Variants in FCRL3 observed in about 807,000 individuals in gnomAD.
The protein encoded by FCRL3 is Fc receptor-like protein 3.
A neutral mutation model predicts 75.0 loss-of-function variants in FCRL3; 89 were observed. That is an observed-to-expected ratio of 1.19 (90% CI 1.00 to 1.42). FCRL3 has a LOEUF of 1.42. Ranked by LOEUF, FCRL3 falls within the 40% of genes most tolerant of loss-of-function variation. FCRL3 has a pLI of 0.00. For missense variants in FCRL3, 946 were observed against 880.0 expected, an observed-to-expected ratio of 1.07 and a Z score of -0.95; for synonymous variants, 376 against 348.5, an observed-to-expected ratio of 1.08 and a Z score of -0.88.
chr1:157,677,118 G>T lies in FCRL3; in HGVS notation c.*1592C>A. ...CAAAGGCCAGGATAAGGGTAACAGA[G>T]GCCAGTGGGAGCAGTGTGGATTGAT... On this transcript the variant is annotated 3_prime_UTR_variant, in exon 15 of 15. Coordinates refer to ENST00000368184, the MANE Select transcript of FCRL3 (RefSeq NM_052939.4). 1 of 1,071,686 alleles carries T rather than the reference G, an allele frequency of 9.3e-7. No homozygotes were observed. Among genetic ancestry groups the T allele is most frequent in the Non-Finnish European group, 1.1e-6 (1 of 878,880 alleles). 66.4% of individuals were successfully genotyped at this position (1,071,686 alleles called of 1,614,324 possible). A position where few individuals can be genotyped will look rare whatever the true frequency, so the allele number is the denominator to read the frequency against.
chr1:157,676,901 G>T lies in FCRL3; in HGVS notation c.*1809C>A. ...GAAAGGAGGAGAGCCTCCATATACA[G>T]CCTGGTGGTTGGTACCCAAAACCGG... On this transcript the variant is annotated 3_prime_UTR_variant, in exon 15 of 15. Transcript: ENST00000368184. The T allele has an allele frequency of 6.9e-7, 1 of 1,459,020 alleles. No homozygotes were observed. The highest frequency in any genetic ancestry group is 9.0e-7 in the Non-Finnish European group (1 of 1,108,958). 90.4% of individuals were successfully genotyped at this position (1,459,020 alleles called of 1,614,324 possible). A position where few individuals can be genotyped will look rare whatever the true frequency, so the allele number is the denominator to read the frequency against.
Position 157,676,544 on chromosome 1 carries a change from G to T in FCRL3, c.*2166C>A. 3 of 605,282 alleles carry T rather than the reference G, an allele frequency of 5.0e-6. No homozygotes were observed. The highest frequency in any genetic ancestry group is 2.9e-5 in the East Asian group (1 of 33,976). The allele number at this position is 605,282 out of a possible 1,614,324, so 37.5% of individuals were successfully genotyped here. On this transcript the variant is annotated 3_prime_UTR_variant, in exon 15 of 15. Coordinates refer to ENST00000368184, the MANE Select transcript of FCRL3 (RefSeq NM_052939.4). ...TAAAATTACTTTTTTTAGATTTCTGGGCTATGGGTTTTTAGTTGTGAATTC... is the reference window on the plus strand; with the variant it reads ...TAAAATTACTTTTTTTAGATTTCTGTGCTATGGGTTTTTAGTTGTGAATTC...
At position 157,690,027 on chromosome 1, in the gene FCRL3, A is replaced by G; in HGVS notation, c.1691-110T>C. The G allele has an allele frequency of 3.3e-6, 5 of 1,495,480 alleles. No individual in the cohort carries two copies. The South Asian group carries it at 5.1e-5, about 15-fold the overall frequency. The allele number at this position is 1,495,480 out of a possible 1,614,324, so 92.6% of individuals were successfully genotyped here. Reference sequence around the variant, plus strand: ...AGTTTCTGATTCCTCCTGTAGCATCATTTGTAATTTTCAAAACTATGGCAT... The same window carrying G: ...AGTTTCTGATTCCTCCTGTAGCATCGTTTGTAATTTTCAAAACTATGGCAT... On this transcript the variant is annotated intron_variant, in intron 9 of 14. Transcript: ENST00000368184.
intron 11 of FCRL3, among the ~76,000 whole-genome samples, chr1:157,681,321 C>T (rs1291373020): frequency 6.6e-6 from 1 of 151,342 alleles, no homozygotes; most frequent in East Asian, 1.9e-4. Flanking sequence ...ATATATGTGC[C>T]ATGCTGGTGT....
In FCRL3 at chr1:157,678,821, T is replaced by C. The variant is rs781669557; in HGVS notation, c.2094A>G (p.Thr698=). Residue 698 remains threonine, a synonymous_variant, in exon 15 of 15, where the codon ACA becomes ACG. Transcript: ENST00000368184. ...LTVLYSELKK[T]HPDDSAGEAS... is the part of the protein sequence containing the mutation. ...CCTCCCCTGCAGAGTCGTCTGGGTG[T>C]GTCTTCTTCAGTTCTGAATAGAGGA... The C allele has an allele frequency of 6.2e-7, 1 of 1,614,070 alleles. No homozygotes were observed. Among genetic ancestry groups the C allele is most frequent in the Non-Finnish European group, 8.5e-7 (1 of 1,179,994 alleles).
chr1:157,689,834 C>A lies in FCRL3; in HGVS notation c.1774G>T (p.Ala592Ser). The stretch of plus-strand genomic sequence containing the variant: ...CGGGCCCTGGCGTAATGCAGCAGAG[C>A]AGCAGCAGCAGCAAGGACGAGGATG... ...LSILVLAAAA[A>S]LLHYARARRK... The change falls in exon 10 of 15, where the codon GCT becomes TCT. Residue 592 changes from alanine (A) to serine (S), a missense_variant. Transcript: ENST00000368184. 3 of 1,611,622 alleles carry A rather than the reference C, an allele frequency of 1.9e-6. No homozygotes were observed. Among genetic ancestry groups the A allele is most frequent in the Non-Finnish European group, 2.5e-6 (3 of 1,178,400 alleles).
chr1:157,680,718 A>G lies in FCRL3; in HGVS notation c.2010T>C (p.His670=), dbSNP rs1654781198. The G allele has an allele frequency of 6.2e-7, 1 of 1,613,934 alleles. No individual in the cohort carries two copies. The highest frequency in any genetic ancestry group is 1.3e-5 in the African/African-American group (1 of 74,938). The change falls in exon 13 of 15, where the codon CAT becomes CAC. Residue 670 remains histidine, a synonymous_variant. Transcript: ENST00000368184. ...PIYSQIWSIQ[H]TKENSANCPM... ...GCATCTTACCTGAGTTTTCTTTTGT[A>G]TGCTGGATGCTCCAGATCTGGGAAT...
chr1:157,682,963 T>C (rs915352044), intron 11 of FCRL3, among the ~76,000 whole-genome samples: 1 of 152,220 alleles, frequency 6.6e-6, no homozygotes, highest in African/African-American at 2.4e-5. Flanking sequence ...GTCAAGTCTC[T>C]GCTGGAACAC....
intron 6 of FCRL3, chr1:157,696,866 T>C (rs548606825): frequency 4.1e-5 from 12 of 291,674 alleles, no homozygotes; most frequent in Admixed American, 1.9e-4. Flanking sequence ...GTGCTTCTAG[T>C]TGTCTCTTGA....
chr1:157,692,319 G>A (rs770776648), intron 8 of FCRL3, among the ~76,000 whole-genome samples: 5 of 151,860 alleles, frequency 3.3e-5, no homozygotes, highest in Non-Finnish European at 7.4e-5. Flanking sequence ...ACTCACTGAA[G>A]CCTTGACCTC....
At chr1:157,688,875 C>T (rs771364335) in intron 10 of FCRL3, among the ~76,000 whole-genome samples, 17 of 152,120 alleles carry the variant, frequency 1.1e-4, no homozygotes, top group Non-Finnish European at 2.4e-4. Flanking sequence ...TATAAGGCTA[C>T]TTCGACATTC....
chr1:157,693,274 CAAAAAAA>C (rs375572340), intron 8 of FCRL3, among the ~76,000 whole-genome samples: 3 of 54,798 alleles, frequency 5.5e-5, no homozygotes, highest in African/African-American at 7.1e-5. Context: ...GACTCCATCT[CAAAAAAA>C]AAAAAAAAAA....
Position 157,696,326 on chromosome 1 carries a change from TCCTGGGGGAACA to T in FCRL3, c.845-11_845del. On this transcript the variant is annotated splice_acceptor_variant and splice_polypyrimidine_tract_variant and coding_sequence_variant and intron_variant, in exon 7 of 15. Coordinates refer to ENST00000368184, the MANE Select transcript of FCRL3 (RefSeq NM_052939.4). LOFTEE classifies it high-confidence loss of function. ...CTAGATTCACATTAGACACAGGGAC[TCCTGGGGGAACA>T]CAAGATGGCATGTGAAGGTCCTGAT... is the stretch of plus-strand genomic sequence containing the variant. 1 of 1,613,648 alleles carries T rather than the reference TCCTGGGGGAACA, an allele frequency of 6.2e-7. No homozygotes were observed. Among genetic ancestry groups the T allele is most frequent in the South Asian group, 1.1e-5 (1 of 91,072 alleles).
intron 3 of FCRL3, 46 bp from the exon 4 acceptor site, chr1:157,698,675 G>T: frequency 6.2e-7 from 1 of 1,606,536 alleles, no homozygotes; most frequent in Non-Finnish European, 8.5e-7. Context: ...GTCAATGGGA[G>T]GTGGGCACAG....
intron 5 of FCRL3, 49 bp downstream of exon 5, chr1:157,697,610 C>A (rs370876947): frequency 4.4e-4 from 685 of 1,570,692 alleles, no homozygotes; most frequent in Non-Finnish European, 5.7e-4. Context: ...TTCCCTTTAT[C>A]CCCAGTTTCC....
At chr1:157,700,431 G>T in intron 2 of FCRL3, 28 bp downstream of exon 2, 3 of 1,613,768 alleles carry the variant, frequency 1.9e-6, no homozygotes, top group Non-Finnish European at 2.5e-6. Context: ...AACTGAGGCC[G>T]TGGCCCCATT....
At chr1:157,700,010 C>T (rs759090639) in intron 2 of FCRL3, among the ~76,000 whole-genome samples, 25 of 152,182 alleles carry the variant, frequency 1.6e-4, no homozygotes, top group Non-Finnish European at 2.5e-4. Flanking sequence ...ATCCTCCTTT[C>T]GTTCCTTGGG....
Position 157,697,790 on chromosome 1 carries a change from C to G in FCRL3, c.428G>C (p.Ser143Thr). 6.2e-7 allele frequency: 1 copy of G among 1,614,100 alleles called. No homozygotes were observed. The highest frequency in any genetic ancestry group is 8.5e-7 in the Non-Finnish European group (1 of 1,180,014). ...CACTGTGATCTTCTCTAAATTATAA[C>G]TATTAGGAAGCTGTTTTCCATCCTT... is the stretch of plus-strand genomic sequence containing the variant. ...YYKDGKQLPN[S>T]YNLEKITVNS... The change falls in exon 5 of 15, where the codon AGT (serine) becomes ACT (threonine). Residue 143 changes from serine (S) to threonine (T), a missense_variant. Physicochemically the swap from Ser to Thr is moderately conservative, Grantham distance 58 (BLOSUM62 1). Coordinates refer to ENST00000368184, the MANE Select transcript of FCRL3 (RefSeq NM_052939.4).
rs761616785 is a variant in FCRL3, at chr1:157,690,266, A to G, written c.1679T>C (p.Leu560Pro). ...LGAQHSKVVT[L>P]NVTGTSRNRT... is the part of the protein sequence containing the mutation. Reference sequence around the variant, plus strand: ...TACTATTAACACACCTGTAACATTGAGTGTCACCACTTTACTGTGCTGGGC... The same window carrying G: ...TACTATTAACACACCTGTAACATTGGGTGTCACCACTTTACTGTGCTGGGC... Residue 560 changes from leucine (L) to proline (P), a missense_variant, in exon 9 of 15, where the codon CTC (leucine) becomes CCC (proline). Transcript: ENST00000368184. 1.7e-5 allele frequency: 27 copies of G among 1,614,100 alleles called. No homozygotes were observed. The highest frequency in any genetic ancestry group is 2.3e-5 in the Non-Finnish European group (27 of 1,180,018).
Sources: allele counts gnomAD v4.1 joint callset (sites outside exome capture counted in the v4.1 genomes callset), GRCh38; gene constraint gnomAD v4.1.1; transcripts MANE v1.5; gene names NCBI Gene and HGNC (gene_info 2026-07-23, HGNC 2026-07-21).